PARP14: variants seen among roughly 807,000 people sequenced by gnomAD.
PARP14 encodes poly(ADP-ribose) polymerase family member 14.
A neutral mutation model predicts 154.2 loss-of-function variants in PARP14; 59 were observed. The observed-to-expected ratio is 0.38, with a 90% confidence interval of 0.31 to 0.48. The LOEUF is 0.48. PARP14 is among the 20% of genes least tolerant of loss of function. The probability of loss-of-function intolerance (pLI) is 0.98; values close to 1 mark genes in which losing one functional copy is unlikely to be tolerated. For synonymous variants in PARP14, 720 were observed against 780.5 expected, an observed-to-expected ratio of 0.92 and a Z score of 1.29; for missense variants, 1,734 against 2,131.6, an observed-to-expected ratio of 0.81 and a Z score of 3.67.
intron 1 of PARP14, chr3:122,683,311 G>T (rs1366177165): frequency 1.0e-6 from 1 of 983,604 alleles, no homozygotes; most frequent in Non-Finnish European, 1.2e-6. Context: ...ACAGGTGCGG[G>T]CCCATAGCAT....
At position 122,706,759 on chromosome 3, in the gene PARP14, ATC is replaced by A. The variant is rs753688232; in HGVS notation, c.3541-1429_3541-1428del. 8.6e-5 allele frequency among the ~76,000 whole-genome samples: 13 copies of A among 151,794 alleles called. 2 individuals are homozygous for A. Among genetic ancestry groups the A allele is most frequent in the East Asian group, 1.9e-4 (1 of 5,170 alleles). Reference sequence around the variant, plus strand: ...TACTTGTTTTTTTTCCAACAAAATTATCTGTTGCTTGTTTACAAGGAGGAAGA... The same window carrying A: ...TACTTGTTTTTTTTCCAACAAAATTATGTTGCTTGTTTACAAGGAGGAAGA... On this transcript the variant is annotated intron_variant, in intron 8 of 16. Transcript: ENST00000474629.
chr3:122,683,378 G>A (rs1938275267), intron 1 of PARP14: 1 of 546,284 alleles, frequency 1.8e-6, no homozygotes, highest in African/African-American at 2.1e-5. Flanking sequence ...GAGCCCACCA[G>A]CACTTCTCCG....
At chr3:122,688,460 AT>A (rs1247088458) in intron 3 of PARP14, among the ~76,000 whole-genome samples, 4 of 152,092 alleles carry the variant, frequency 2.6e-5, no homozygotes, top group African/African-American at 7.2e-5. Context: ...TGTCCTGGGA[AT>A]TTTAGGCCCA....
Position 122,701,660 on chromosome 3 carries a change from C to T in PARP14, c.3081+25C>T. Reference sequence around the variant, plus strand: ...GGTGAGTGTCGCTTTTACAGAACACCACCAGGGCACTGTGACTTTACTTAG... The same window carrying T: ...GGTGAGTGTCGCTTTTACAGAACACTACCAGGGCACTGTGACTTTACTTAG... On this transcript the variant is annotated intron_variant, in intron 6 of 16. Transcript: ENST00000474629. This position sits in a 1 kb window ranked among gnomAD's most constrained non-coding sequence, Gnocchi z 4.0. The T allele has an allele frequency of 6.7e-7, 1 of 1,483,600 alleles. No homozygotes were observed. Among genetic ancestry groups the T allele is most frequent in the Non-Finnish European group, 9.1e-7 (1 of 1,099,496 alleles). The allele number at this position is 1,483,600 out of a possible 1,614,324, so 91.9% of individuals were successfully genotyped here.
chr3:122,717,662 TA>T (rs1216025455), intron 12 of PARP14, among the ~76,000 whole-genome samples: 3 of 152,234 alleles, frequency 2.0e-5, no homozygotes, highest in Non-Finnish European at 2.9e-5. Context: ...TTTTCATCTT[TA>T]AAAAGTATTT....
rs1933404584 is a variant in PARP14, at chr3:122,730,656, A to G, written c.*2059A>G. On this transcript the variant is annotated 3_prime_UTR_variant, in exon 17 of 17. Coordinates refer to ENST00000474629, the MANE Select transcript of PARP14 (RefSeq NM_017554.3). ...AATAAATGTAAGAAATTGGAATAAA[A>G]AAGAGAGACCTGCTGTTATTCGCTT... 1 of 152,666 alleles carries G rather than the reference A, an allele frequency of 6.6e-6. No homozygotes were observed. The highest frequency in any genetic ancestry group is 6.5e-5 in the Admixed American group (1 of 15,288). The allele number at this position is 152,666 out of a possible 1,614,324, so 9.5% of individuals were successfully genotyped here. A position where few individuals can be genotyped will look rare whatever the true frequency, so the allele number is the denominator to read the frequency against.
intron 8 of PARP14, among the ~76,000 whole-genome samples, chr3:122,705,258 C>T (rs1036514854): frequency 1.6e-4 from 24 of 152,324 alleles, no homozygotes; most frequent in African/African-American, 5.8e-4. Context: ...TCTCAAATTT[C>T]TGACTATCTC....
chr3:122,721,106 A>G, intron 15 of PARP14: 1 of 335,592 alleles, frequency 3.0e-6, no homozygotes. Context: ...TTTCTCTTCC[A>G]AACCCCTAAT....
chr3:122,700,589 C>A lies in PARP14; in HGVS notation c.2035C>A (p.Pro679Thr). The A allele has an allele frequency of 6.3e-7, 1 of 1,597,044 alleles. No homozygotes were observed. The highest frequency in any genetic ancestry group is 1.3e-5 in the African/African-American group (1 of 74,716). Residue 679 changes from proline (P) to threonine (T), a missense_variant, in exon 6 of 17, where the codon CCT becomes ACT. By Grantham distance (38) the Pro-to-Thr change is conservative. This residue lies in a region of PARP14 where 1,646 missense variants were observed against 1,976.0 expected (regional missense o/e 0.83). Coordinates refer to ENST00000474629, the MANE Select transcript of PARP14 (RefSeq NM_017554.3). ...MKIERLVEVK[P>T]SLVIDYLKTE... ...AATAGAGAGACTGGTTGAAGTAAAG[C>A]CTTCCTTAGTTATTGACTATTTAAA...
rs1175402679 is a variant in PARP14, at chr3:122,699,458, G to C, written c.904G>C (p.Ala302Pro). Reference protein sequence around the residue: ...KMPLSVFPYYASLGTALYGKE... With the variant: ...KMPLSVFPYYPSLGTALYGKE... ...GCCACTTTCTGTGTTCCCATACTAT[G>C]CCTCATTGGGCACAGCCTTGTATGG... Residue 302 changes from alanine (A) to proline (P), a missense_variant, in exon 6 of 17, where the codon GCC becomes CCC. Transcript: ENST00000474629. The C allele has an allele frequency of 6.2e-7, 1 of 1,613,612 alleles. No homozygotes were observed. The highest frequency in any genetic ancestry group is 8.5e-7 in the Non-Finnish European group (1 of 1,179,722).
chr3:122,704,569 A>C lies in PARP14; in HGVS notation c.3361A>C (p.Ser1121Arg). 1.9e-6 allele frequency: 3 copies of C among 1,608,814 alleles called. No individual in the cohort carries two copies. The highest frequency in any genetic ancestry group is 3.3e-4 in the Middle Eastern group (2 of 6,058). ...CAGAGAATGTATGGAGATCACTGAGAGCTTGTCCTTAAAATCAATTGCATT... is the reference window on the plus strand; with the variant it reads ...CAGAGAATGTATGGAGATCACTGAGCGCTTGTCCTTAAAATCAATTGCATT... The part of the protein sequence containing the change: ...IIRECMEITE[S>R]LSLKSIAFPA... Residue 1121 changes from serine to arginine, a missense_variant, in exon 8 of 17, where the codon AGC becomes CGC. Physicochemically the swap from Ser to Arg is moderately radical, Grantham distance 110. This residue lies in a region of PARP14 where 1,646 missense variants were observed against 1,976.0 expected (regional missense o/e 0.83). Transcript: ENST00000474629.
intron 12 of PARP14, among the ~76,000 whole-genome samples, chr3:122,716,670 C>T (rs1442662574): frequency 1.3e-5 from 2 of 152,100 alleles, no homozygotes; most frequent in Non-Finnish European, 2.9e-5. Flanking sequence ...TCATTCTGGC[C>T]TCCTCTTTTT....
intron 6 of PARP14, among the ~76,000 whole-genome samples, chr3:122,703,088 C>T (rs1248227203): frequency 1.3e-5 from 2 of 151,488 alleles, no homozygotes; most frequent in Admixed American, 6.6e-5. Flanking sequence ...GCTTCCATGG[C>T]TGTAATAACT....
At chr3:122,704,824 G>A in intron 8 of PARP14, 76 bp downstream of exon 8, 1 of 762,704 alleles carries the variant, frequency 1.3e-6, no homozygotes, top group Non-Finnish European at 2.1e-6. Flanking sequence ...TGGTCTAACA[G>A]GATACTTTTT....
chr3:122,728,215 A>G, intron 16 of PARP14, 93 bp from the exon 17 acceptor site: 2 of 1,198,178 alleles, frequency 1.7e-6, no homozygotes, highest in Non-Finnish European at 2.4e-6. Flanking sequence ...ATTTTAAGAG[A>G]GGCTTTAGAA....
chr3:122,699,364 C>T, intron 5 of PARP14, 26 bp from the exon 6 acceptor site: 1 of 1,447,606 alleles, frequency 6.9e-7, no homozygotes, highest in Non-Finnish European at 9.5e-7. Context: ...CCTGGGCTTA[C>T]ATTATTTTAC....
chr3:122,697,604 G>T (rs559332639), intron 5 of PARP14, among the ~76,000 whole-genome samples: 35 of 152,254 alleles, frequency 2.3e-4, no homozygotes, highest in African/African-American at 8.4e-4. Flanking sequence ...GTTTAAAAGA[G>T]AATTTATTGT....
At chr3:122,715,612 ATCTATCTATCTATC>A (rs1266341634) in intron 12 of PARP14, among the ~76,000 whole-genome samples, 3 of 125,752 alleles carry the variant, frequency 2.4e-5, no homozygotes, top group Non-Finnish European at 3.8e-5. Flanking sequence ...CTATCTATCT[ATCTATCTATCTATC>A]TATCTATCTA....
rs527249913 is a variant in PARP14, at chr3:122,685,898, T to G, written c.321+580T>G. On this transcript the variant is annotated intron_variant, in intron 2 of 16. Coordinates refer to ENST00000474629, the MANE Select transcript of PARP14 (RefSeq NM_017554.3). ...GTGGTTTTGGATGTAAAATTTGGGG[T>G]CTGTGTCTCCAGAGTTCTTTATAAC... 1.8e-4 allele frequency among the ~76,000 whole-genome samples: 27 copies of G among 152,272 alleles called. No homozygotes were observed. In the East Asian group the frequency reaches 4.6e-3, roughly 26 times the overall value.
Sources: gnomAD v4.1 joint callset for allele counts (sites outside exome capture counted in the v4.1 genomes callset) on GRCh38, gnomAD v4.1.1 for gene constraint, gnomAD v4.1.1 regional missense constraint, Gnocchi (gnomAD v3.1) non-coding constraint, MANE v1.5 for transcripts, NCBI Gene and HGNC (gene_info 2026-07-23, HGNC 2026-07-21) for gene names.